The following CR1 variants were observed in gnomAD, a reference collection of about 807,000 sequenced individuals.
The protein encoded by CR1 is complement C3b/C4b receptor 1 (Knops blood group).
In CR1, 116 loss-of-function variants were observed where a neutral mutation model predicts 187.3. The observed-to-expected ratio is 0.62, with a 90% CI of 0.53 to 0.72. The LOEUF is 0.72. Ranked by LOEUF, CR1 falls within the 30% of genes least tolerant of loss-of-function variation. The probability of loss-of-function intolerance (pLI) is 0.00; values close to 1 mark genes in which losing one functional copy is unlikely to be tolerated. For missense variants in CR1, 1,731 were observed against 2,110.7 expected (o/e 0.82, Z 3.52); for synonymous variants, 576 against 747.1 (o/e 0.77, Z 3.73).
intron 5 of CR1, among the ~76,000 whole-genome samples, 154 bp from the exon 6 acceptor site, chr1:207,526,599 T>C (rs1227945527): frequency 1.3e-5 from 2 of 151,126 alleles, no homozygotes; most frequent in Admixed American, 1.3e-4. Flanking sequence ...GACATCTTCC[T>C]TGCCCTGTGT....
chr1:207,503,046 A>C (rs1385385258), intron 1 of CR1, among the ~76,000 whole-genome samples: 1 of 152,258 alleles, frequency 6.6e-6, no homozygotes, highest in Admixed American at 6.5e-5. Context: ...CTCCCACTTT[A>C]GCGGAATAAT....
rs1350588945 is a variant in CR1, at chr1:207,620,044, C to T, written c.7231C>T (p.Pro2411Ser). The T allele has an allele frequency of 2.5e-6, 4 of 1,611,596 alleles. No individual in the cohort carries two copies. The highest frequency in any genetic ancestry group is 2.7e-5 in the African/African-American group (2 of 74,764). The change falls in exon 43 of 47, where the codon CCT becomes TCT. Residue 2411 changes from proline to serine, a missense_variant. Pro to Ser is a moderately conservative substitution (Grantham distance 74). Coordinates refer to ENST00000367049, the MANE Select transcript of CR1 (RefSeq NM_000651.6). ...QCQADDRWDP[P>S]LAKCTSRTHD... ...CCAGGCGGATGACAGATGGGACCCTCCTCTGGCCAAATGTACCTCTCGTAA... is the reference window on the plus strand; with the variant it reads ...CCAGGCGGATGACAGATGGGACCCTTCTCTGGCCAAATGTACCTCTCGTAA...
chr1:207,578,336 T>C lies in CR1; in HGVS notation c.4936+133T>C. The stretch of plus-strand genomic sequence containing the variant: ...AAAGTAAGTTTTGGGGGAAGAAGCA[T>C]GAAATTAAGAATTGGGGGTGTGCAT... On this transcript the variant is annotated intron_variant, in intron 29 of 46. Transcript: ENST00000367049. The C allele has an allele frequency of 4.5e-6, 7 of 1,546,478 alleles. No individual in the cohort carries two copies. In the South Asian group the frequency reaches 8.4e-5, roughly 19 times the overall value.
Position 207,496,204 on chromosome 1 carries a change from A to C in CR1, c.-64A>C, listed in dbSNP as rs1213746370. Reference sequence around the variant, plus strand: ...TGATTGGTCACTCCTATTTTCGCTGAGCTTTTCCTCTTATTTCAGTTTTCT... The same window carrying C: ...TGATTGGTCACTCCTATTTTCGCTGCGCTTTTCCTCTTATTTCAGTTTTCT... On this transcript the variant is annotated 5_prime_UTR_variant, in exon 1 of 47. The change abolishes the stop of an existing upstream ORF in the 5' untranslated region. Transcript: ENST00000367049. The C allele has an allele frequency of 2.5e-6, 4 of 1,612,372 alleles. No individual in the cohort carries two copies. Among genetic ancestry groups the C allele is most frequent in the Admixed American group, 3.3e-5 (2 of 59,926 alleles).
At chr1:207,632,061 AC>A (rs989236521) in intron 46 of CR1, among the ~76,000 whole-genome samples, 91 of 152,356 alleles carry the variant, frequency 6.0e-4, no homozygotes, top group Middle Eastern at 3.4e-3. Context: ...AGCAATTCAA[AC>A]TTTTCTAAAC....
intron 46 of CR1, among the ~76,000 whole-genome samples, chr1:207,637,318 C>T (rs867214037): frequency 1.3e-5 from 2 of 152,166 alleles, no homozygotes; most frequent in African/African-American, 2.4e-5. Flanking sequence ...GAATTGACCT[C>T]GAGGTGCCCA....
In CR1 at chr1:207,603,309, T is replaced by C. The variant is rs1293684748; in HGVS notation, c.5811-3942T>C. ...TGTAAGAAAGATCATGCGGTATTAG[T>C]TCTTCTGTCCCTAGCTTATTTTGGA... On this transcript the variant is annotated intron_variant, in intron 35 of 46. Transcript: ENST00000367049. Among the ~76,000 whole-genome samples, 3 of 152,318 alleles carry C rather than the reference T, an allele frequency of 2.0e-5. No individual in the cohort carries two copies. In the East Asian group the frequency reaches 5.8e-4, roughly 29 times the overall value.
intron 3 of CR1, among the ~76,000 whole-genome samples, chr1:207,509,059 A>C (rs1042145929): frequency 7.2e-5 from 11 of 152,234 alleles, no homozygotes; most frequent in African/African-American, 2.4e-4. Context: ...TTAAGGTTGA[A>C]AATGTGCTAA....
At chr1:207,504,651 C>T (rs1650319432) in intron 1 of CR1, among the ~76,000 whole-genome samples, 1 of 152,056 alleles carries the variant, frequency 6.6e-6, no homozygotes, top group Non-Finnish European at 1.5e-5. Flanking sequence ...CAGGCACTTA[C>T]TGATTAACTA....
At chr1:207,504,413 A>C (rs1659365684) in intron 1 of CR1, among the ~76,000 whole-genome samples, 1 of 152,194 alleles carries the variant, frequency 6.6e-6, no homozygotes, top group Non-Finnish European at 1.5e-5. Context: ...TATAATCCTA[A>C]TAACCTCAAA....
In CR1 at chr1:207,616,742, C is replaced by T. The variant is rs754871656; in HGVS notation, c.6829C>T (p.Pro2277Ser). Reference sequence around the variant, plus strand: ...GAGCTCCATCCGCTGCACAAGTGACCCTCAAGGGAATGGGGTTTGGAGCAG... The same window carrying T: ...GAGCTCCATCCGCTGCACAAGTGACTCTCAAGGGAATGGGGTTTGGAGCAG... ...GESSIRCTSD[P>S]QGNGVWSSPA... The change falls in exon 41 of 47, where the codon CCT becomes TCT. Residue 2277 changes from proline (P) to serine (S), a missense_variant. Pro to Ser is a moderately conservative substitution (Grantham distance 74). Coordinates refer to ENST00000367049, the MANE Select transcript of CR1 (RefSeq NM_000651.6). 9 of 1,613,826 alleles carry T rather than the reference C, an allele frequency of 5.6e-6. No homozygotes were observed. The highest frequency in any genetic ancestry group is 5.3e-5 in the African/African-American group (4 of 74,892).
At chr1:207,564,690 A>T (rs963777001) in intron 23 of CR1, among the ~76,000 whole-genome samples, 1 of 149,718 alleles carries the variant, frequency 6.7e-6, no homozygotes, top group African/African-American at 2.5e-5. Flanking sequence ...AATCCCAGCT[A>T]CTCCGGAGGC....
intron 2 of CR1, among the ~76,000 whole-genome samples, 174 bp downstream of exon 2, chr1:207,506,257 C>A (rs1335305319): frequency 6.6e-6 from 1 of 152,192 alleles, no homozygotes; most frequent in Non-Finnish European, 1.5e-5. Context: ...TTCCTGGCGC[C>A]TTCATTAAAA....
chr1:207,573,269 C>A (rs1393794335), intron 27 of CR1, among the ~76,000 whole-genome samples: 1 of 152,136 alleles, frequency 6.6e-6, no homozygotes, highest in African/African-American at 2.4e-5. Flanking sequence ...TTTGTGTCAC[C>A]ACAACAGACA....
chr1:207,526,084 TA>T lies in CR1; in HGVS notation c.887-668del, dbSNP rs1660160897. 3.9e-5 allele frequency among the ~76,000 whole-genome samples: 6 copies of T among 152,102 alleles called. 1 individual carries two copies. The highest frequency in any genetic ancestry group is 1.5e-4 in the African/African-American group (6 of 41,332). ...CTGCCCTTACAATATGTTGCGTAAA[TA>T]TACACTCTCATCATGGTGACAGTAG... On this transcript the variant is annotated intron_variant, in intron 5 of 46. Coordinates refer to ENST00000367049, the MANE Select transcript of CR1 (RefSeq NM_000651.6).
Position 207,611,703 on chromosome 1 carries a change from C to T in CR1, c.6322C>T (p.His2108Tyr), listed in dbSNP as rs756406372. ...GTGTCAGCCGCCTCCAGAAATCCTG[C>T]ATGGTGAGCATACCCTAAGCCATCA... is the stretch of plus-strand genomic sequence containing the variant. Reference protein sequence around the residue: ...RVCQPPPEILHGEHTLSHQDN... With the variant: ...RVCQPPPEILYGEHTLSHQDN... The change falls in exon 38 of 47, where the codon CAT (histidine) becomes TAT (tyrosine). Residue 2108 changes from histidine (H) to tyrosine (Y), a missense_variant. Physicochemically the swap from His to Tyr is moderately conservative, Grantham distance 83. Around this residue, in one of 5 missense-constraint regions of CR1, gnomAD observed 1,312 missense variants for 1,379.6 expected, o/e 0.95. Coordinates refer to ENST00000367049, the MANE Select transcript of CR1 (RefSeq NM_000651.6). The T allele has an allele frequency of 1.9e-6, 3 of 1,613,902 alleles. No homozygotes were observed. In the South Asian group the frequency reaches 3.3e-5, roughly 18 times the overall value.
At chr1:207,588,895 C>A in intron 35 of CR1, 121 bp downstream of exon 35, 4 of 649,318 alleles carry the variant, frequency 6.2e-6, no homozygotes, top group South Asian at 2.1e-5. Flanking sequence ...AGCAATAGGA[C>A]TTATAGATGG....
intron 45 of CR1, among the ~76,000 whole-genome samples, chr1:207,624,811 GTGAGT>G (rs1662431226): frequency 6.6e-6 from 1 of 152,056 alleles, no homozygotes; most frequent in South Asian, 2.1e-4. Context: ...CATATAATTA[GTGAGT>G]TAATTTTTTA....
At chr1:207,603,635 T>C (rs1661668140) in intron 35 of CR1, among the ~76,000 whole-genome samples, 1 of 152,182 alleles carries the variant, frequency 6.6e-6, no homozygotes, top group Non-Finnish European at 1.5e-5. Context: ...GACTACACTG[T>C]ACATGGTTTT....
Sources: gnomAD v4.1 joint callset for allele counts (sites outside exome capture counted in the v4.1 genomes callset) on GRCh38, gnomAD v4.1.1 for gene constraint, gnomAD v4.1.1 regional missense constraint, MANE v1.5 for transcripts, NCBI Gene and HGNC (gene_info 2026-07-23, HGNC 2026-07-21) for gene names.